The following PPP1R9A variants were observed in gnomAD, a reference collection of about 807,000 sequenced individuals.
PPP1R9A encodes the protein neurabin-1.
Under a neutral mutation model 141.9 loss-of-function variants are expected in PPP1R9A, and 59 were observed. That is an observed-to-expected ratio of 0.42 (90% CI 0.34 to 0.52). PPP1R9A has a LOEUF of 0.52. Among genes scored for constraint, PPP1R9A ranks in the 20% least tolerant of loss-of-function variants. The probability of loss-of-function intolerance (pLI) is 0.10; values close to 1 mark genes in which losing one functional copy is unlikely to be tolerated. For missense variants in PPP1R9A, 1,444 were observed against 1,611.9 expected, an observed-to-expected ratio of 0.90 and a Z score of 1.78; for synonymous variants, 500 against 569.7, an observed-to-expected ratio of 0.88 and a Z score of 1.74.
intron 2 of PPP1R9A, among the ~76,000 whole-genome samples, chr7:95,006,281 A>G (rs35025230): frequency 0.091 from 13,830 of 151,732 alleles, 700 homozygotes; most frequent in East Asian, 0.15. Flanking sequence ...GAAGCCGCAC[A>G]ATCTCCGCTC....
intron 14 of PPP1R9A, among the ~76,000 whole-genome samples, chr7:95,272,930 A>G (rs1411114046): frequency 6.6e-6 from 1 of 152,216 alleles, no homozygotes; most frequent in African/African-American, 2.4e-5. Flanking sequence ...CACATAAAAA[A>G]CATCAAATTT....
chr7:95,105,506 T>A (rs1819384408), intron 2 of PPP1R9A, among the ~76,000 whole-genome samples: 1 of 152,210 alleles, frequency 6.6e-6, no homozygotes, highest in Non-Finnish European at 1.5e-5. Context: ...AATTTAAACA[T>A]CTTTTGTTTA....
chr7:94,980,718 G>T lies in PPP1R9A; in HGVS notation c.1395+69210G>T, dbSNP rs559702047. Among the ~76,000 whole-genome samples the T allele has an allele frequency of 1.5e-3, 229 of 151,698 alleles. 1 individual carries two copies. Among genetic ancestry groups the T allele is most frequent in the Non-Finnish European group, 2.5e-3 (168 of 67,950 alleles). On this transcript the variant is annotated intron_variant, in intron 2 of 19. Transcript: ENST00000433360. ...TGGCCTACCTTATCTCTGAGGTGCC[G>T]CACAACTATGGAGTATGTTACTGTG...
chr7:94,994,296 G>A (rs1284262001), intron 2 of PPP1R9A, among the ~76,000 whole-genome samples: 1 of 152,016 alleles, frequency 6.6e-6, no homozygotes, highest in African/African-American at 2.4e-5. Context: ...AGTCACATAG[G>A]GTCTTCAGGG....
intron 2 of PPP1R9A, among the ~76,000 whole-genome samples, chr7:95,080,338 A>G (rs1386555490): frequency 6.6e-6 from 1 of 151,676 alleles, no homozygotes; most frequent in Non-Finnish European, 1.5e-5. Context: ...TCCCATTCAC[A>G]ATTGCTTCAA....
At chr7:95,163,670 A>G (rs1263367995) in intron 5 of PPP1R9A, among the ~76,000 whole-genome samples, 2 of 152,126 alleles carry the variant, frequency 1.3e-5, no homozygotes, top group African/African-American at 4.8e-5. Context: ...GATTTCAGAT[A>G]TTTTGATGTG....
chr7:95,171,522 C>G (rs1278348925), intron 5 of PPP1R9A, among the ~76,000 whole-genome samples: 1 of 151,354 alleles, frequency 6.6e-6, no homozygotes. Flanking sequence ...TTACATATTC[C>G]ACAGATACTT....
intron 2 of PPP1R9A, among the ~76,000 whole-genome samples, chr7:94,987,203 C>G (rs866899294): frequency 6.6e-6 from 1 of 152,172 alleles, no homozygotes; most frequent in African/African-American, 2.4e-5. Context: ...CTCTTTTAAA[C>G]CTAGCTTTGG....
chr7:95,110,243 A>G (rs1435810876), intron 2 of PPP1R9A, among the ~76,000 whole-genome samples: 2 of 152,212 alleles, frequency 1.3e-5, no homozygotes, highest in Admixed American at 1.3e-4. Flanking sequence ...ATAGAACAGC[A>G]GGGCCAGCTT....
In PPP1R9A at chr7:95,006,725, C is replaced by T. The variant is rs528278765; in HGVS notation, c.1395+95217C>T. On this transcript the variant is annotated intron_variant, in intron 2 of 19. Coordinates refer to ENST00000433360, the MANE Select transcript of PPP1R9A (RefSeq NM_001166160.2). ...AATTATAAAGAGTACTTTGCCATAT[C>T]CCTTACCCTTCTCAATTCTGATATG... Among the ~76,000 whole-genome samples, 124 of 152,190 alleles carry T rather than the reference C, an allele frequency of 8.1e-4. 1 individual carries two copies. Among genetic ancestry groups the T allele is most frequent in the Middle Eastern group, 3.4e-3 (1 of 294 alleles).
intron 5 of PPP1R9A, among the ~76,000 whole-genome samples, chr7:95,193,613 T>A (rs1585178583): frequency 6.6e-6 from 1 of 152,176 alleles, no homozygotes; most frequent in African/African-American, 2.4e-5. Context: ...AGGGATCTTT[T>A]TTTGAGGATA....
At chr7:95,006,277 G>A (rs1487878068) in intron 2 of PPP1R9A, among the ~76,000 whole-genome samples, 1 of 151,532 alleles carries the variant, frequency 6.6e-6, no homozygotes, top group Non-Finnish European at 1.5e-5. Flanking sequence ...GAGTGAAGCC[G>A]CACAATCTCC....
intron 18 of PPP1R9A, chr7:95,287,168 G>A: frequency 6.2e-7 from 1 of 1,607,696 alleles, no homozygotes; most frequent in Non-Finnish European, 8.5e-7. Flanking sequence ...GGTGGCTTGT[G>A]TGCTATTGTT....
At chr7:94,994,558 G>T (rs1801921688) in intron 2 of PPP1R9A, among the ~76,000 whole-genome samples, 1 of 152,092 alleles carries the variant, frequency 6.6e-6, no homozygotes, top group South Asian at 2.1e-4. Context: ...AATAATGTTA[G>T]ATTTTTAAGT....
Position 95,181,593 on chromosome 7 carries a change from A to AAT in PPP1R9A, c.1755-16747_1755-16746dup, listed in dbSNP as rs200691412. Among the ~76,000 whole-genome samples, 499 of 139,758 alleles carry AAT rather than the reference A, an allele frequency of 3.6e-3. 5 individuals carry two copies. The highest frequency in any genetic ancestry group is 0.012 in the African/African-American group (469 of 38,100). The allele number at this position is 139,758 out of a possible 152,430, so 91.7% of individuals were successfully genotyped here. On this transcript the variant is annotated intron_variant, in intron 5 of 19. Transcript: ENST00000433360. ...TATATATTCCATCACATATATATAGAATATATATATTCTGTCACACATATA... is the reference window on the plus strand; with the variant it reads ...TATATATTCCATCACATATATATAGAATATATATATATTCTGTCACACATATA...
intron 2 of PPP1R9A, among the ~76,000 whole-genome samples, chr7:95,109,576 T>G (rs1820172353): frequency 6.6e-6 from 1 of 152,202 alleles, no homozygotes; most frequent in Admixed American, 6.5e-5. Flanking sequence ...CATAGTAGCT[T>G]AAGCTGGTAA....
At chr7:95,073,884 T>C (rs1463913337) in intron 2 of PPP1R9A, among the ~76,000 whole-genome samples, 1 of 151,994 alleles carries the variant, frequency 6.6e-6, no homozygotes, top group Non-Finnish European at 1.5e-5. Context: ...ACCCAGCCCA[T>C]AACTTCTTTA....
intron 2 of PPP1R9A, among the ~76,000 whole-genome samples, chr7:94,936,974 T>G (rs1458330679): frequency 6.6e-6 from 1 of 152,084 alleles, no homozygotes; most frequent in African/African-American, 2.4e-5. Flanking sequence ...CCCTCTGGCT[T>G]TTTTCAATTG....
At chr7:95,176,489 T>A (rs1315903642) in intron 5 of PPP1R9A, 1 of 151,676 alleles carries the variant, frequency 6.6e-6, no homozygotes, top group Non-Finnish European at 1.5e-5. Context: ...TCACAGTAGC[T>A]CACCAACAGT....
Sources: gnomAD v4.1 joint callset for allele counts (sites outside exome capture counted in the v4.1 genomes callset) on GRCh38, gnomAD v4.1.1 for gene constraint, MANE v1.5 for transcripts, NCBI Gene and HGNC (gene_info 2026-07-23, HGNC 2026-07-21) for gene names.